CYP39A1: variants seen among roughly 807,000 people sequenced by gnomAD.
The protein encoded by CYP39A1 is 24-hydroxycholesterol 7-alpha-hydroxylase.
CYP39A1 carries 49 observed loss-of-function variants against 58.1 expected under a neutral mutation model. The ratio of observed to expected loss-of-function variants is 0.84; its 90% confidence interval spans 0.67 to 1.07. The LOEUF (loss-of-function observed/expected upper bound fraction) is 1.07. CYP39A1 is among the 50% of genes least tolerant of loss of function. The pLI, the probability that CYP39A1 is intolerant of heterozygous loss-of-function variation, is 0.00. For synonymous variants in CYP39A1, 209 were observed against 187.6 expected (o/e 1.11, Z -0.93); for missense variants, 531 against 539.4 (o/e 0.98, Z 0.16).
At chr6:46,594,807 A>G (rs1773046177) in intron 8 of CYP39A1, among the ~76,000 whole-genome samples, 1 of 152,020 alleles carries the variant, frequency 6.6e-6, no homozygotes, top group Admixed American at 6.6e-5. Flanking sequence ...AAAAATAGAA[A>G]AATGGGATTA....
At chr6:46,629,277 G>T (rs146837179) in intron 6 of CYP39A1, among the ~76,000 whole-genome samples, 237 of 152,292 alleles carry the variant, frequency 1.6e-3, no homozygotes, top group African/African-American at 5.4e-3. Context: ...GATCAATGGG[G>T]CTTTGTGTGT....
intron 2 of CYP39A1, 43 bp downstream of exon 2, chr6:46,642,120 C>T (rs1776374628): frequency 4.4e-6 from 7 of 1,604,976 alleles, no homozygotes; most frequent in Non-Finnish European, 6.0e-6. Context: ...CTCCTGGATT[C>T]CAATGTTGGA....
intron 10 of CYP39A1, among the ~76,000 whole-genome samples, chr6:46,558,161 T>TA (rs1770759057): frequency 6.6e-6 from 1 of 151,906 alleles, no homozygotes. Flanking sequence ...AGAAAAATAA[T>TA]AAGCAGTCAA....
intron 1 of CYP39A1, 102 bp downstream of exon 1, chr6:46,652,304 A>C: frequency 8.8e-7 from 1 of 1,142,058 alleles, no homozygotes; most frequent in Non-Finnish European, 1.2e-6. Context: ...GCAAGCAGGT[A>C]TGTTCCCCGT....
intron 11 of CYP39A1, 111 bp downstream of exon 11, chr6:46,553,656 C>T (rs746407843): frequency 1.4e-6 from 1 of 730,686 alleles, no homozygotes; most frequent in Non-Finnish European, 2.4e-6. Flanking sequence ...TAAGATCAGG[C>T]CTAAGTGAGG....
At chr6:46,591,309 T>C (rs190550615) in intron 8 of CYP39A1, among the ~76,000 whole-genome samples, 1 of 152,226 alleles carries the variant, frequency 6.6e-6, no homozygotes, top group African/African-American at 2.4e-5. Flanking sequence ...TTTGTGTCAG[T>C]TCTTTAAATA....
At chr6:46,609,001 G>A (rs1774030237) in intron 7 of CYP39A1, among the ~76,000 whole-genome samples, 1 of 152,042 alleles carries the variant, frequency 6.6e-6, no homozygotes, top group African/African-American at 2.4e-5. Context: ...ACGAGTATTT[G>A]TTGACTTGTC....
intron 7 of CYP39A1, among the ~76,000 whole-genome samples, chr6:46,596,445 T>C (rs912814127): frequency 5.3e-5 from 8 of 152,102 alleles, no homozygotes; most frequent in Admixed American, 3.3e-4. Context: ...CATCTTTTTC[T>C]TGTCTAAATT....
At chr6:46,627,243 C>G (rs7771089) in intron 6 of CYP39A1, among the ~76,000 whole-genome samples, 28,708 of 151,940 alleles carry the variant, frequency 0.19, 3,066 homozygotes, top group African/African-American at 0.3. Context: ...AGATGAGATG[C>G]GGGTGGGTAC....
rs139688508 is a variant in CYP39A1 at position 46,592,081 on chromosome 6, T to G, written c.1065+3906A>C. Among the ~76,000 whole-genome samples the G allele has an allele frequency of 5.9e-5, 9 of 152,266 alleles. No homozygotes were observed. In the East Asian group the frequency reaches 1.7e-3, roughly 29 times the overall value. ...TGAAAAGAGAACACAGGTAGAAGTT[T>G]CAGAGTTTTAGAAAGGTAGCATAAT... is the stretch of plus-strand genomic sequence containing the variant. On this transcript the variant is annotated intron_variant, in intron 8 of 11. Transcript: ENST00000275016.
chr6:46,558,103 T>C (rs547475072), intron 10 of CYP39A1, among the ~76,000 whole-genome samples: 1 of 152,098 alleles, frequency 6.6e-6, no homozygotes, highest in South Asian at 2.1e-4. Context: ...GACTTTTCAC[T>C]GGAAACAATG....
intron 6 of CYP39A1, among the ~76,000 whole-genome samples, chr6:46,630,307 C>T (rs1386302693): frequency 1.3e-5 from 2 of 152,082 alleles, no homozygotes; most frequent in Admixed American, 6.5e-5. Context: ...AGCTAATATT[C>T]ATTGATACCA....
At chr6:46,573,056 T>A (rs1370445357) in intron 10 of CYP39A1, among the ~76,000 whole-genome samples, 1 of 152,084 alleles carries the variant, frequency 6.6e-6, no homozygotes, top group African/African-American at 2.4e-5. Flanking sequence ...TATTCATATA[T>A]TGTTGTTATG....
At position 46,572,768 on chromosome 6, in the gene CYP39A1, A is replaced by G. The variant is rs74418474; in HGVS notation, c.1250+14309T>C. Among the ~76,000 whole-genome samples the G allele has an allele frequency of 8.0e-4, 121 of 152,044 alleles. 1 individual carries two copies. In the East Asian group the frequency reaches 8.2e-3, roughly 10 times the overall value. ...AAATAAGGTTTCTTCCCCTTTCTCA[A>G]TCCTCCTTCTGAGACTTTTATGATG... is the stretch of plus-strand genomic sequence containing the variant. On this transcript the variant is annotated intron_variant, in intron 10 of 11. Transcript: ENST00000275016.
At chr6:46,571,745 G>T (rs1214397755) in intron 10 of CYP39A1, among the ~76,000 whole-genome samples, 1 of 151,672 alleles carries the variant, frequency 6.6e-6, no homozygotes, top group Non-Finnish European at 1.5e-5. Context: ...TTAATTATAG[G>T]TAAGAACTCA....
intron 3 of CYP39A1, among the ~76,000 whole-genome samples, chr6:46,638,378 T>C (rs1326769664): frequency 6.6e-6 from 1 of 152,164 alleles, no homozygotes; most frequent in Non-Finnish European, 1.5e-5. Context: ...TTCAGGGCAA[T>C]ATTAGTCACC....
In CYP39A1 at chr6:46,636,486, C is replaced by CA; in HGVS notation, c.639-5dup. ...CTTTTTGGATTTTGACCAGTTTCTA[C>CA]ATGAGAAAAAATATATATAGAAATT... On this transcript the variant is annotated splice_polypyrimidine_tract_variant and splice_region_variant and intron_variant, in intron 4 of 11. Transcript: ENST00000275016. The CA allele has an allele frequency of 6.3e-7, 1 of 1,581,162 alleles. No individual in the cohort carries two copies. The highest frequency in any genetic ancestry group is 1.9e-4 in the Middle Eastern group (1 of 5,318).
chr6:46,597,346 T>C (rs573142871), intron 7 of CYP39A1, among the ~76,000 whole-genome samples: 1 of 152,180 alleles, frequency 6.6e-6, no homozygotes, highest in Admixed American at 6.6e-5. Flanking sequence ...AGTTGACTAG[T>C]ACAACATGTA....
Position 46,596,110 on chromosome 6 carries a change from C to G in CYP39A1, c.942G>C (p.Lys314Asn), listed in dbSNP as rs545003240. The G allele has an allele frequency of 3.1e-6, 5 of 1,601,320 alleles. No homozygotes were observed. Among genetic ancestry groups the G allele is most frequent in the Non-Finnish European group, 4.3e-6 (5 of 1,175,600 alleles). ...CCAGGTCATCCTCAGACACTTTAAT[C>G]TTATCTTTGCCTGTAAAAAAATTTT... ...SSVFGKAGKD[K>N]IKVSEDDLEN... The change falls in exon 8 of 12, where the codon AAG becomes AAC. Residue 314 changes from lysine to asparagine, a missense_variant. Lys to Asn is a moderately conservative substitution (Grantham distance 94, BLOSUM62 0). Coordinates refer to ENST00000275016, the MANE Select transcript of CYP39A1 (RefSeq NM_016593.5).
Sources: gnomAD v4.1 joint callset for allele counts (sites outside exome capture counted in the v4.1 genomes callset) on GRCh38, gnomAD v4.1.1 for gene constraint, MANE v1.5 for transcripts, NCBI Gene and HGNC (gene_info 2026-07-23, HGNC 2026-07-21) for gene names.